POU2F1: variants seen among roughly 807,000 people sequenced by gnomAD.
POU2F1 encodes the protein POU domain, class 2, transcription factor 1.
POU2F1 carries 16 observed loss-of-function variants against 84.9 expected under a neutral mutation model. The observed-to-expected ratio is 0.19, with a 90% CI of 0.13 to 0.29. The LOEUF is 0.29. Ranked by LOEUF, POU2F1 falls within the 10% of genes least tolerant of loss-of-function variation. The pLI, the probability that POU2F1 is intolerant of heterozygous loss-of-function variation, is 1.00. For synonymous variants in POU2F1, 368 were observed against 368.3 expected (o/e 1.00, Z 0.01); for missense variants, 738 against 942.6 (o/e 0.78, Z 2.84).
intron 1 of POU2F1, among the ~76,000 whole-genome samples, chr1:167,232,231 T>C (rs1261685637): frequency 6.6e-6 from 1 of 152,214 alleles, no homozygotes; most frequent in Non-Finnish European, 1.5e-5. Flanking sequence ...GGGTCAGCTG[T>C]ACAATCACGT....
At chr1:167,334,638 T>G (rs1657314718) in intron 2 of POU2F1, among the ~76,000 whole-genome samples, 1 of 152,218 alleles carries the variant, frequency 6.6e-6, no homozygotes, top group Admixed American at 6.5e-5. Flanking sequence ...GTGAATTTCT[T>G]GCCTCGTTTT....
Position 167,389,772 on chromosome 1 carries a change from T to C in POU2F1, c.987+11T>C. On this transcript the variant is annotated intron_variant, in intron 9 of 15. Coordinates refer to ENST00000367866, the MANE Select transcript of POU2F1 (RefSeq NM_002697.4). Reference sequence around the variant, plus strand: ...CTTGGATTCACTCAGGTAGGGTGAATTGGCCTTACATTGATTCCCCTCCTT... The same window carrying C: ...CTTGGATTCACTCAGGTAGGGTGAACTGGCCTTACATTGATTCCCCTCCTT... 2 of 1,610,614 alleles carry C rather than the reference T, an allele frequency of 1.2e-6. No homozygotes were observed. Among genetic ancestry groups the C allele is most frequent in the Non-Finnish European group, 1.7e-6 (2 of 1,178,176 alleles).
At chr1:167,368,888 CATT>C (rs1659846385) in intron 3 of POU2F1, among the ~76,000 whole-genome samples, 1 of 152,162 alleles carries the variant, frequency 6.6e-6, no homozygotes, top group Non-Finnish European at 1.5e-5. Context: ...AAATGGAACT[CATT>C]ATCTTCTCTG....
Position 167,250,608 on chromosome 1 carries a change from A to G in POU2F1, c.61+29650A>G, listed in dbSNP as rs193235752. On this transcript the variant is annotated intron_variant, in intron 1 of 15. Coordinates refer to ENST00000367866, the MANE Select transcript of POU2F1 (RefSeq NM_002697.4). ...ATGTACAAATAACAAAGGTAGCAAT[A>G]TGGTTTGTTGGTTTTCTTTAAACTT... Among the ~76,000 whole-genome samples the G allele has an allele frequency of 1.1e-3, 163 of 152,308 alleles. 1 individual carries two copies. The highest frequency in any genetic ancestry group is 3.6e-3 in the African/African-American group (149 of 41,568).
chr1:167,273,414 C>T (rs544592209), intron 1 of POU2F1, among the ~76,000 whole-genome samples: 2 of 152,328 alleles, frequency 1.3e-5, no homozygotes, highest in Admixed American at 6.5e-5. Flanking sequence ...ACACTGCCCT[C>T]GTAGAGGTTT....
At chr1:167,332,598 A>C in intron 2 of POU2F1, 63 bp downstream of exon 2, 1 of 1,356,160 alleles carries the variant, frequency 7.4e-7, no homozygotes, top group Non-Finnish European at 1.0e-6. Context: ...GAAAGTTTCC[A>C]TGTAACTAGG....
chr1:167,365,986 G>T (rs1282170460), intron 3 of POU2F1, among the ~76,000 whole-genome samples: 2 of 152,044 alleles, frequency 1.3e-5, no homozygotes, highest in Non-Finnish European at 2.9e-5. Context: ...CAGTTGATTT[G>T]GGCAACTACT....
At chr1:167,391,023 TG>T (rs1428127711) in intron 9 of POU2F1, among the ~76,000 whole-genome samples, 5 of 152,208 alleles carry the variant, frequency 3.3e-5, no homozygotes, top group African/African-American at 1.2e-4. Context: ...ATATATTTAA[TG>T]GTTTAAACAG....
At chr1:167,280,821 C>T (rs1360949939) in intron 1 of POU2F1, among the ~76,000 whole-genome samples, 1 of 152,204 alleles carries the variant, frequency 6.6e-6, no homozygotes, top group African/African-American at 2.4e-5. Flanking sequence ...GCTTAGATTT[C>T]AAGCAGTCCT....
chr1:167,387,674 A>G (rs1438820080), intron 8 of POU2F1, among the ~76,000 whole-genome samples: 1 of 152,202 alleles, frequency 6.6e-6, no homozygotes, highest in African/African-American at 2.4e-5. Context: ...ATTCTGGTTT[A>G]TAATCGCTCA....
At chr1:167,247,695 G>T (rs1312972830) in intron 1 of POU2F1, among the ~76,000 whole-genome samples, 1 of 152,020 alleles carries the variant, frequency 6.6e-6, no homozygotes, top group Non-Finnish European at 1.5e-5. Context: ...TCTGTTGTTG[G>T]TCAGTAAGGT....
chr1:167,305,798 A>G (rs1484554814), intron 1 of POU2F1, among the ~76,000 whole-genome samples: 1 of 152,206 alleles, frequency 6.6e-6, no homozygotes, highest in Non-Finnish European at 1.5e-5. Flanking sequence ...ATCTGTCATT[A>G]TGGAAAGATT....
rs1245623972 is a variant in POU2F1 at position 167,421,276 on chromosome 1, T to A, written c.*5466T>A. 6.6e-6 allele frequency: 1 copy of A among 152,234 alleles called. No homozygotes were observed. The highest frequency in any genetic ancestry group is 6.5e-5 in the Admixed American group (1 of 15,290). The allele number at this position is 152,234 out of a possible 1,614,324, so 9.4% of individuals were successfully genotyped here. On this transcript the variant is annotated 3_prime_UTR_variant, in exon 16 of 16. Transcript: ENST00000367866. Reference sequence around the variant, plus strand: ...AGGTTTGCATGGATGGTGTCCACAATACAAATGTAAACTTGGACAGGAATA... The same window carrying A: ...AGGTTTGCATGGATGGTGTCCACAAAACAAATGTAAACTTGGACAGGAATA...
chr1:167,281,236 C>A (rs1336367351), intron 1 of POU2F1, among the ~76,000 whole-genome samples: 1 of 152,064 alleles, frequency 6.6e-6, no homozygotes, highest in African/African-American at 2.4e-5. Flanking sequence ...TATTCTGAGC[C>A]AAATATGAGT....
At chr1:167,242,652 G>C (rs770469650) in intron 1 of POU2F1, among the ~76,000 whole-genome samples, 2 of 152,134 alleles carry the variant, frequency 1.3e-5, no homozygotes, top group Non-Finnish European at 2.9e-5. Flanking sequence ...AAATTAGCCC[G>C]AATCAGGAGT....
At chr1:167,337,199 C>CA (rs1557904748) in intron 2 of POU2F1, among the ~76,000 whole-genome samples, 1 of 149,978 alleles carries the variant, frequency 6.7e-6, no homozygotes, top group Non-Finnish European at 1.5e-5. Flanking sequence ...TAGTGGTGCA[C>CA]ACCTGTACTC....
chr1:167,316,675 G>A (rs1240757960), intron 1 of POU2F1, among the ~76,000 whole-genome samples: 3 of 152,170 alleles, frequency 2.0e-5, no homozygotes, highest in African/African-American at 7.2e-5. Context: ...TGTTACCCTT[G>A]TGGTGTCACA....
chr1:167,284,517 A>G (rs1397377643), intron 1 of POU2F1, among the ~76,000 whole-genome samples: 1 of 152,174 alleles, frequency 6.6e-6, no homozygotes, highest in Admixed American at 6.5e-5. Context: ...ATCTATTTCT[A>G]GTTTATTTTT....
At position 167,300,504 on chromosome 1, in the gene POU2F1, C is replaced by T. The variant is rs550196050; in HGVS notation, c.62-31966C>T. ...TTTTTGAGACGGAGTCTTGCTCTGT[C>T]GCCAGGCCAGAGTGTAGTGGCGCGA... On this transcript the variant is annotated intron_variant, in intron 1 of 15. Coordinates refer to ENST00000367866, the MANE Select transcript of POU2F1 (RefSeq NM_002697.4). 6.6e-5 allele frequency among the ~76,000 whole-genome samples: 10 copies of T among 152,136 alleles called. No homozygotes were observed. In the South Asian group the frequency reaches 1.2e-3, roughly 19 times the overall value.
Sources: allele counts gnomAD v4.1 joint callset (sites outside exome capture counted in the v4.1 genomes callset), GRCh38; gene constraint gnomAD v4.1.1; transcripts MANE v1.5; gene names NCBI Gene and HGNC (gene_info 2026-07-23, HGNC 2026-07-21).